The following ZNF697 variants were observed in gnomAD, a reference collection of about 807,000 sequenced individuals.
ZNF697 encodes the protein zinc finger protein 697.
ZNF697 carries 23 observed loss-of-function variants against 32.4 expected under a neutral mutation model. The ratio of observed to expected loss-of-function variants is 0.71; its 90% CI spans 0.51 to 1.01. ZNF697 has a LOEUF of 1.01. Among genes scored for constraint, ZNF697 ranks in the 50% least tolerant of loss-of-function variants. ZNF697 has a pLI of 0.00. For synonymous variants in ZNF697, 418 were observed against 337.2 expected, an observed-to-expected ratio of 1.24 and a Z score of -2.62; for missense variants, 930 against 794.0, an observed-to-expected ratio of 1.17 and a Z score of -2.06.
At chr1:119,634,777 T>G (rs959959891) in intron 1 of ZNF697, among the ~76,000 whole-genome samples, 10 of 152,210 alleles carry the variant, frequency 6.6e-5, no homozygotes, top group Non-Finnish European at 1.3e-4. Flanking sequence ...TATACTGACC[T>G]TATTTGAATG....
rs1045827 is a variant in ZNF697, at chr1:119,619,819, T to C, written c.*2886A>G. 102,818 of 152,486 alleles carry C rather than the reference T, an allele frequency of 0.67. 35,447 individuals carry two copies. Among genetic ancestry groups the C allele is most frequent in the African/African-American group, 0.82 (34,174 of 41,486 alleles). The allele number at this position is 152,486 out of a possible 1,614,324, so 9.4% of individuals were successfully genotyped here. A position where few individuals can be genotyped will look rare whatever the true frequency, so the allele number is the denominator to read the frequency against. On this transcript the variant is annotated 3_prime_UTR_variant, in exon 3 of 3. Transcript: ENST00000421812. Reference sequence around the variant, plus strand: ...ATCAAAACCATTTAGCCTATTTAAATTGCTCCAGGTTTTGCTTAGTAAAGG... The same window carrying C: ...ATCAAAACCATTTAGCCTATTTAAACTGCTCCAGGTTTTGCTTAGTAAAGG...
intron 1 of ZNF697, among the ~76,000 whole-genome samples, chr1:119,634,910 A>G (rs1648879226): frequency 6.6e-6 from 1 of 152,234 alleles, no homozygotes; most frequent in Non-Finnish European, 1.5e-5. Flanking sequence ...GATTAAGTGT[A>G]CAAAGAGTTC....
rs143242879 is a variant in ZNF697 at position 119,637,125 on chromosome 1, C to T, written c.-38+10566G>A. Among the ~76,000 whole-genome samples, 51 of 152,236 alleles carry T rather than the reference C, an allele frequency of 3.4e-4. 1 individual carries two copies. Among genetic ancestry groups the T allele is most frequent in the Non-Finnish European group, 4.7e-4 (32 of 68,028 alleles). On this transcript the variant is annotated intron_variant, in intron 1 of 2. Coordinates refer to ENST00000421812, the MANE Select transcript of ZNF697 (RefSeq NM_001080470.2). ...ATTACAATCTGGACAAAGTCATCAACTCTTTCCTAACAAATCTTCAAAGTG... is the reference window on the plus strand; with the variant it reads ...ATTACAATCTGGACAAAGTCATCAATTCTTTCCTAACAAATCTTCAAAGTG...
At chr1:119,625,233 T>C (rs150679924) in intron 2 of ZNF697, among the ~76,000 whole-genome samples, 39 of 152,294 alleles carry the variant, frequency 2.6e-4, no homozygotes, top group African/African-American at 9.1e-4. Flanking sequence ...CTCTCAGTCC[T>C]GGCCATAAAG....
intron 1 of ZNF697, among the ~76,000 whole-genome samples, chr1:119,626,429 A>T (rs10802127): frequency 6.6e-6 from 1 of 152,104 alleles, no homozygotes; most frequent in Non-Finnish European, 1.5e-5. Flanking sequence ...ATAGTTTAAC[A>T]GTGAACTAGA....
intron 2 of ZNF697, 42 bp from the exon 3 acceptor site, chr1:119,624,158 G>A: frequency 2.0e-6 from 3 of 1,513,296 alleles, no homozygotes; most frequent in Non-Finnish European, 2.7e-6. Flanking sequence ...ACTATACTTG[G>A]CATTCAAAAG....
intron 1 of ZNF697, among the ~76,000 whole-genome samples, chr1:119,647,350 T>C (rs116306248): frequency 0.016 from 2,496 of 152,202 alleles, 62 homozygotes; most frequent in African/African-American, 0.058. Context: ...ACCACCTACC[T>C]ACATGGACAC....
chr1:119,628,079 G>A (rs1024355474), intron 1 of ZNF697, among the ~76,000 whole-genome samples: 2 of 146,020 alleles, frequency 1.4e-5, no homozygotes, highest in Non-Finnish European at 3.0e-5. Context: ...GGGGCGGGGG[G>A]AGTTAAGAGG....
At chr1:119,631,142 G>C (rs1048392110) in intron 1 of ZNF697, among the ~76,000 whole-genome samples, 1 of 152,208 alleles carries the variant, frequency 6.6e-6, no homozygotes, top group African/African-American at 2.4e-5. Flanking sequence ...GCCAGAAATA[G>C]CACCAAGTCT....
chr1:119,625,962 T>C lies in ZNF697; in HGVS notation c.139A>G (p.Asn47Asp). The change falls in exon 2 of 3, where the codon AAC becomes GAC. Residue 47 changes from asparagine to aspartate, a missense_variant. By Grantham distance (23) the Asn-to-Asp change is conservative (BLOSUM62 1). Transcript: ENST00000421812. ...REMGSNPHDT[N>D]KREGHPEPEM... Reference sequence around the variant, plus strand: ...GGCTCCGGATGGCCTTCTCTCTTGTTTGTGTCATGTGGATTAGAGCCCATT... The same window carrying C: ...GGCTCCGGATGGCCTTCTCTCTTGTCTGTGTCATGTGGATTAGAGCCCATT... 2 of 1,613,862 alleles carry C rather than the reference T, an allele frequency of 1.2e-6. No individual in the cohort carries two copies. Among genetic ancestry groups the C allele is most frequent in the Non-Finnish European group, 8.5e-7 (1 of 1,179,732 alleles).
chr1:119,622,558 A>C lies in ZNF697; in HGVS notation c.*147T>G. ...GACCAACTTACTCAACACTCCTCCC[A>C]CTTCAGGAAACCCCAAACACCAAAG... is the stretch of plus-strand genomic sequence containing the variant. On this transcript the variant is annotated 3_prime_UTR_variant, in exon 3 of 3. Coordinates refer to ENST00000421812, the MANE Select transcript of ZNF697 (RefSeq NM_001080470.2). 3.6e-6 allele frequency: 5 copies of C among 1,384,914 alleles called. No individual in the cohort carries two copies. In the South Asian group the frequency reaches 6.2e-5, roughly 17 times the overall value. The allele number at this position is 1,384,914 out of a possible 1,614,324, so 85.8% of individuals were successfully genotyped here. A position where few individuals can be genotyped will look rare whatever the true frequency, so the allele number is the denominator to read the frequency against.
chr1:119,645,610 G>A (rs965497056), intron 1 of ZNF697, among the ~76,000 whole-genome samples: 8 of 152,140 alleles, frequency 5.3e-5, no homozygotes, highest in Non-Finnish European at 1.2e-4. Context: ...CTATTTGCTC[G>A]AAGGATGGGT....
At chr1:119,645,659 G>A (rs1276545803) in intron 1 of ZNF697, among the ~76,000 whole-genome samples, 1 of 152,074 alleles carries the variant, frequency 6.6e-6, no homozygotes, top group Non-Finnish European at 1.5e-5. Flanking sequence ...AAAGGAGAGG[G>A]GTAGGTAGGC....
At chr1:119,636,709 A>T (rs1648933025) in intron 1 of ZNF697, among the ~76,000 whole-genome samples, 1 of 152,196 alleles carries the variant, frequency 6.6e-6, no homozygotes, top group African/African-American at 2.4e-5. Context: ...TTGCCCATGA[A>T]CACACCAGTT....
intron 1 of ZNF697, among the ~76,000 whole-genome samples, chr1:119,636,570 T>G (rs932526600): frequency 2.0e-5 from 3 of 152,014 alleles, no homozygotes; most frequent in Non-Finnish European, 4.4e-5. Context: ...ATCAGTAAAT[T>G]TCAAACACAT....
At chr1:119,637,486 G>A (rs760979440) in intron 1 of ZNF697, among the ~76,000 whole-genome samples, 1 of 152,202 alleles carries the variant, frequency 6.6e-6, no homozygotes, top group Non-Finnish European at 1.5e-5. Context: ...AAGGTGTCAA[G>A]TTGGTAGAGG....
rs962612659 is a variant in ZNF697 at position 119,623,695 on chromosome 1, G to A, written c.648C>T (p.Ala216=). 1 of 1,521,962 alleles carries A rather than the reference G, an allele frequency of 6.6e-7. No individual in the cohort carries two copies. The highest frequency in any genetic ancestry group is 1.4e-5 in the African/African-American group (1 of 71,830). The allele number at this position is 1,521,962 out of a possible 1,614,324, so 94.3% of individuals were successfully genotyped here. ...AGGGCTCCAGGCTGGCGGCGGCAGC[G>A]GCCTCAGCCAGGCGGTGAATGCGCT... ...QHQRIHRLAE[A]AAAASLEPFG... The change falls in exon 3 of 3, where the codon GCC becomes GCT. Residue 216 remains alanine (A), a synonymous_variant. Transcript: ENST00000421812.
At chr1:119,628,725 C>T (rs1217651228) in intron 1 of ZNF697, among the ~76,000 whole-genome samples, 3 of 152,148 alleles carry the variant, frequency 2.0e-5, no homozygotes, top group African/African-American at 7.2e-5. Flanking sequence ...GGATTCAGTT[C>T]CATTCACGCC....
chr1:119,624,369 T>TA (rs58458537), intron 2 of ZNF697, among the ~76,000 whole-genome samples: 104,078 of 151,672 alleles, frequency 0.69, 36,387 homozygotes, highest in African/African-American at 0.83. Context: ...CCCCCCTAGC[T>TA]GGACCCGAGG....
Sources: allele counts gnomAD v4.1 joint callset (sites outside exome capture counted in the v4.1 genomes callset), GRCh38; gene constraint gnomAD v4.1.1; transcripts MANE v1.5; gene names NCBI Gene and HGNC (gene_info 2026-07-23, HGNC 2026-07-21).